Variants in YES1 observed in about 807,000 individuals in gnomAD.
YES1 encodes YES proto-oncogene 1, Src family tyrosine kinase, also known as tyrosine-protein kinase Yes.
Under a neutral mutation model 70.4 loss-of-function variants are expected in YES1, and 39 were observed. That is an observed-to-expected ratio of 0.55 (90% CI 0.43 to 0.72). The LOEUF (loss-of-function observed/expected upper bound fraction) is 0.72. Among genes scored for constraint, YES1 ranks in the 30% least tolerant of loss-of-function variants. YES1 has a pLI of 0.00. For synonymous variants in YES1, 198 were observed against 218.6 expected (o/e 0.91, Z 0.83); for missense variants, 495 against 644.8 (o/e 0.77, Z 2.52).
At chr18:747,427 C>A (rs538344348) in intron 4 of YES1, among the ~76,000 whole-genome samples, 86 of 152,236 alleles carry the variant, frequency 5.6e-4, no homozygotes, top group African/African-American at 2.0e-3. Flanking sequence ...CGAGATCACG[C>A]CACTGCACTC....
intron 1 of YES1, among the ~76,000 whole-genome samples, chr18:782,215 G>A (rs1204773404): frequency 6.6e-6 from 1 of 152,108 alleles, no homozygotes; most frequent in Non-Finnish European, 1.5e-5. Context: ...TCTCTCCTGT[G>A]GCACAATGGC....
At chr18:730,083 C>T (rs1186149194) in intron 11 of YES1, among the ~76,000 whole-genome samples, 1 of 152,026 alleles carries the variant, frequency 6.6e-6, no homozygotes, top group Non-Finnish European at 1.5e-5. Flanking sequence ...TGGAATTTAC[C>T]AGCAGATCAC....
intron 1 of YES1, among the ~76,000 whole-genome samples, chr18:803,450 A>G (rs1358386184): frequency 6.6e-6 from 1 of 152,228 alleles, no homozygotes; most frequent in Non-Finnish European, 1.5e-5. Context: ...TACAAACTCC[A>G]TATTGTAACA....
At chr18:725,990 G>A (rs2080014067) in intron 11 of YES1, among the ~76,000 whole-genome samples, 1 of 152,086 alleles carries the variant, frequency 6.6e-6, no homozygotes, top group Admixed American at 6.6e-5. Flanking sequence ...TTCAGTGAGG[G>A]CTTACTATAA....
chr18:748,894 C>T (rs2080310423), intron 3 of YES1, among the ~76,000 whole-genome samples: 1 of 152,186 alleles, frequency 6.6e-6, no homozygotes, highest in South Asian at 2.1e-4. Context: ...GGCGTAGTGG[C>T]TCAAGCCTGT....
chr18:782,631 A>G (rs958684527), intron 1 of YES1, among the ~76,000 whole-genome samples: 3 of 152,260 alleles, frequency 2.0e-5, no homozygotes, highest in African/African-American at 7.2e-5. Context: ...TTTAAATCTT[A>G]TATGAATGGG....
chr18:796,714 C>T (rs191094566), intron 1 of YES1, among the ~76,000 whole-genome samples: 117 of 152,188 alleles, frequency 7.7e-4, no homozygotes, highest in Admixed American at 2.0e-3. Flanking sequence ...GCCAAGATGG[C>T]ACCACTGCAC....
intron 1 of YES1, among the ~76,000 whole-genome samples, chr18:792,700 C>T (rs1906331590): frequency 6.6e-6 from 1 of 151,790 alleles, no homozygotes; most frequent in Admixed American, 6.6e-5. Context: ...GTGGCTCAAA[C>T]CTGTAATCCC....
At chr18:790,738 C>G (rs1386766936) in intron 1 of YES1, among the ~76,000 whole-genome samples, 1 of 152,034 alleles carries the variant, frequency 6.6e-6, no homozygotes, top group African/African-American at 2.4e-5. Context: ...GATAGGAGAC[C>G]TAAATAAAGC....
chr18:734,669 T>C (rs1054952521), intron 10 of YES1, among the ~76,000 whole-genome samples: 5 of 151,174 alleles, frequency 3.3e-5, no homozygotes, highest in Non-Finnish European at 5.9e-5. Flanking sequence ...CCTGTAAGAA[T>C]GGCCATAATG....
intron 9 of YES1, chr18:737,431 A>C (rs9966897): frequency 0.58 from 87,795 of 152,592 alleles, 25,716 homozygotes; most frequent in East Asian, 0.7. Flanking sequence ...CCAGCCTGGG[A>C]AACAGAGCGA....
chr18:786,496 TACACACACACACACACACAC>T (rs56410052), intron 1 of YES1, among the ~76,000 whole-genome samples: 1 of 139,436 alleles, frequency 7.2e-6, no homozygotes, highest in East Asian at 2.1e-4. Flanking sequence ...AATAAGTCCA[TACACACACACACACACACAC>T]ACACACACAC....
intron 11 of YES1, among the ~76,000 whole-genome samples, chr18:728,144 T>C (rs534689962): frequency 2.2e-4 from 33 of 152,180 alleles, no homozygotes; most frequent in South Asian, 1.9e-3. Context: ...GAGACCATCC[T>C]GGGCAACATG....
chr18:781,447 G>A (rs983673762), intron 1 of YES1, among the ~76,000 whole-genome samples: 2 of 152,112 alleles, frequency 1.3e-5, no homozygotes, highest in Non-Finnish European at 2.9e-5. Context: ...TAGCTTAAAC[G>A]TTCAAGGAAT....
intron 1 of YES1, among the ~76,000 whole-genome samples, chr18:775,705 G>C (rs1905344982): frequency 6.6e-6 from 1 of 152,122 alleles, no homozygotes; most frequent in African/African-American, 2.4e-5. Flanking sequence ...GCTGAGGTTG[G>C]AGGATCGCTT....
Position 733,782 on chromosome 18 carries a change from C to CAAAAAAAAAAA in YES1, c.1292-828_1292-818dup, listed in dbSNP as rs71174280. On this transcript the variant is annotated intron_variant, in intron 10 of 11. Coordinates refer to ENST00000314574, the MANE Select transcript of YES1 (RefSeq NM_005433.4). ...TGGGCAACAGAGTGAGACTCCGTCT[C>CAAAAAAAAAAA]AAAAAAAAAAAAAAAAAAAAAAAAA... Among the ~76,000 whole-genome samples the CAAAAAAAAAAA allele has an allele frequency of 2.9e-4, 17 of 59,244 alleles. 1 individual carries two copies. The highest frequency in any genetic ancestry group is 1.0e-3 in the African/African-American group (17 of 16,446). 38.9% of individuals were successfully genotyped at this position (59,244 alleles called of 152,430 possible). A position where few individuals can be genotyped will look rare whatever the true frequency, so the allele number is the denominator to read the frequency against.
intron 1 of YES1, among the ~76,000 whole-genome samples, chr18:758,347 A>T (rs149400716): frequency 6.6e-6 from 1 of 152,170 alleles, no homozygotes; most frequent in Admixed American, 6.6e-5. Context: ...AAGTAGATCT[A>T]TACCTTTTCC....
chr18:791,948 G>A (rs765230889), intron 1 of YES1, among the ~76,000 whole-genome samples: 4 of 151,964 alleles, frequency 2.6e-5, no homozygotes, highest in South Asian at 2.1e-4. Context: ...CCAGCTACTC[G>A]AAATCGGGTG....
At chr18:794,392 G>A (rs1011896903) in intron 1 of YES1, among the ~76,000 whole-genome samples, 1 of 152,138 alleles carries the variant, frequency 6.6e-6, no homozygotes. Context: ...GAACTGTTCA[G>A]ATTAAAGGAG....
Sources: gnomAD v4.1 joint callset for allele counts (sites outside exome capture counted in the v4.1 genomes callset) on GRCh38, gnomAD v4.1.1 for gene constraint, MANE v1.5 for transcripts, NCBI Gene and HGNC (gene_info 2026-07-23, HGNC 2026-07-21) for gene names.